The following FUT4 variants were observed in gnomAD, a reference collection of about 807,000 sequenced individuals.
FUT4 encodes the protein alpha-(1,3)-fucosyltransferase 4.
In FUT4, 1 loss-of-function variant was observed where a neutral mutation model predicts 3.8. The observed-to-expected ratio is 0.26, with a 90% confidence interval of 0.09 to 1.25. FUT4 has a LOEUF of 1.25. FUT4 is among the 50% of genes most tolerant of loss of function. The pLI is 0.47. For synonymous variants in FUT4, 417 were observed against 355.3 expected (o/e 1.17, Z -1.95); for missense variants, 880 against 768.2 (o/e 1.15, Z -1.72).
Position 94,545,477 on chromosome 11 carries a change from G to A in FUT4, c.1344G>A (p.Glu448=). Residue 448 remains glutamate, a synonymous_variant, in exon 1 of 1, where the codon GAG becomes GAA. Transcript: ENST00000358752. The part of the protein sequence containing the change: ...VVLGPDRANY[E]RFVPRGAFIH... ...TGGGCCCAGACCGTGCCAACTACGA[G>A]CGCTTTGTGCCCCGCGGCGCCTTCA... is the stretch of plus-strand genomic sequence containing the variant. 2 of 1,613,590 alleles carry A rather than the reference G, an allele frequency of 1.2e-6. No homozygotes were observed. The highest frequency in any genetic ancestry group is 1.1e-5 in the South Asian group (1 of 91,062).
chr11:94,544,084 G>A lies in FUT4; in HGVS notation c.-50G>A. 1.5e-6 allele frequency: 2 copies of A among 1,362,158 alleles called. No individual in the cohort carries two copies. Among genetic ancestry groups the A allele is most frequent in the Non-Finnish European group, 1.9e-6 (2 of 1,056,834 alleles). 84.4% of individuals were successfully genotyped at this position (1,362,158 alleles called of 1,614,324 possible). Reference sequence around the variant, plus strand: ...CAGTGAGCGAGGGCCAGGGCGGTGGGCGCGCGCAGAGGGAAACCGGATCAG... The same window carrying A: ...CAGTGAGCGAGGGCCAGGGCGGTGGACGCGCGCAGAGGGAAACCGGATCAG... On this transcript the variant is annotated 5_prime_UTR_variant, in exon 1 of 1. Transcript: ENST00000358752.
rs1947860333 is a variant in FUT4 at position 94,546,190 on chromosome 11, G to A, written c.*464G>A. 1 of 340,430 alleles carries A rather than the reference G, an allele frequency of 2.9e-6. No homozygotes were observed. The highest frequency in any genetic ancestry group is 2.6e-5 in the South Asian group (1 of 38,648). 21.1% of individuals were successfully genotyped at this position (340,430 alleles called of 1,614,324 possible). On this transcript the variant is annotated 3_prime_UTR_variant, in exon 1 of 1. Coordinates refer to ENST00000358752, the MANE Select transcript of FUT4 (RefSeq NM_002033.4). Reference sequence around the variant, plus strand: ...GGTTGTAGAAGGAGCCTTGTTGGTGGAGAGTGGAAGGACTGTGGCTGCAGG... The same window carrying A: ...GGTTGTAGAAGGAGCCTTGTTGGTGAAGAGTGGAAGGACTGTGGCTGCAGG...
rs1408806813 is a variant in FUT4, at chr11:94,549,501, C to T, written c.*3775C>T. The T allele has an allele frequency of 1.2e-5, 2 of 167,090 alleles. No individual in the cohort carries two copies. The highest frequency in any genetic ancestry group is 6.5e-5 in the Admixed American group (1 of 15,292). 10.4% of individuals were successfully genotyped at this position (167,090 alleles called of 1,614,324 possible). On this transcript the variant is annotated 3_prime_UTR_variant, in exon 1 of 1. Coordinates refer to ENST00000358752, the MANE Select transcript of FUT4 (RefSeq NM_002033.4). ...GGGACCTCCTAGTTCCACGTGCTAT[C>T]ATTCTACTAACTGGCACCCTAAGGT...
chr11:94,544,538 G>T lies in FUT4; in HGVS notation c.405G>T (p.Ala135=). 3.1e-6 allele frequency: 4 copies of T among 1,290,810 alleles called. No individual in the cohort carries two copies. The South Asian group carries it at 1.1e-4, about 37-fold the overall frequency. 80.0% of individuals were successfully genotyped at this position (1,290,810 alleles called of 1,614,324 possible). ...GGGCACCGTGGGGCTCGCCGACGGC[G>T]GCGGCGGGCGGGCGGCGCGGGTGGC... ...AMGAPWGSPT[A]AAGGRRGWRR... The change falls in exon 1 of 1, where the codon GCG becomes GCT. Residue 135 remains alanine (A), a synonymous_variant. Transcript: ENST00000358752.
rs767838790 is a variant in FUT4, at chr11:94,545,109, G to T, written c.976G>T (p.Val326Phe). The T allele has an allele frequency of 3.1e-6, 5 of 1,612,478 alleles. No individual in the cohort carries two copies. In the African/African-American group the frequency reaches 6.7e-5, roughly 22 times the overall value. ...WTLSYRADSDVFVPYGYLYPR... is the reference protein window; with the variant it reads ...WTLSYRADSDFFVPYGYLYPR... ...GCTCTCCTACCGGGCGGACTCGGAC[G>T]TCTTTGTGCCTTATGGCTACCTCTA... is the stretch of plus-strand genomic sequence containing the variant. Residue 326 changes from valine to phenylalanine, a missense_variant, in exon 1 of 1, where the codon GTC (valine) becomes TTC (phenylalanine). By Grantham distance (50) the Val-to-Phe change is conservative. Around this residue, in one of 3 missense-constraint regions of FUT4, gnomAD observed 424 missense variants for 400.4 expected, o/e 1.06. Coordinates refer to ENST00000358752, the MANE Select transcript of FUT4 (RefSeq NM_002033.4).
Position 94,544,346 on chromosome 11 carries a change from G to C in FUT4, c.213G>C (p.Gly71=), listed in dbSNP as rs780907981. The C allele has an allele frequency of 6.5e-7, 1 of 1,550,144 alleles. No individual in the cohort carries two copies. The highest frequency in any genetic ancestry group is 2.5e-5 in the East Asian group (1 of 39,946). ...CCGCCCGGCACTTGGGAGGAGCAGG[G>C]CAGGGCCCGCGGCCTTTGCATTCTG... ...ARPARHLGGA[G]QGPRPLHSGT... Residue 71 remains glycine, a synonymous_variant, in exon 1 of 1, where the codon GGG becomes GGC. Transcript: ENST00000358752.
chr11:94,548,698 T>C lies in FUT4; in HGVS notation c.*2972T>C, dbSNP rs186406603. The C allele has an allele frequency of 4.2e-5, 7 of 167,204 alleles. No homozygotes were observed. Among genetic ancestry groups the C allele is most frequent in the African/African-American group, 1.7e-4 (7 of 41,578 alleles). The allele number at this position is 167,204 out of a possible 1,614,324, so 10.4% of individuals were successfully genotyped here. On this transcript the variant is annotated 3_prime_UTR_variant, in exon 1 of 1. Transcript: ENST00000358752. ...ATACCTTAAGAAAAATGCATATCGG[T>C]GCACTGTATGTATTTCAAAATGCCT...
At position 94,544,381 on chromosome 11, in the gene FUT4, C is replaced by T. The variant is rs747456563; in HGVS notation, c.248C>T (p.Pro83Leu). The T allele has an allele frequency of 5.8e-6, 9 of 1,541,548 alleles. No homozygotes were observed. The highest frequency in any genetic ancestry group is 4.2e-5 in the African/African-American group (3 of 71,044). Residue 83 changes from proline (P) to leucine (L), a missense_variant, in exon 1 of 1, where the codon CCC becomes CTC. Coordinates refer to ENST00000358752, the MANE Select transcript of FUT4 (RefSeq NM_002033.4). ...GPRPLHSGTA[P>L]FHSRASGERQ... is the part of the protein sequence containing the mutation. The stretch of plus-strand genomic sequence containing the variant: ...CGGCCTTTGCATTCTGGGACCGCCC[C>T]CTTCCATTCCCGGGCCAGCGGCGAG...
chr11:94,545,913 T>C lies in FUT4; in HGVS notation c.*187T>C. 2 of 786,644 alleles carry C rather than the reference T, an allele frequency of 2.5e-6. No homozygotes were observed. Among genetic ancestry groups the C allele is most frequent in the Non-Finnish European group, 2.2e-6 (1 of 451,490 alleles). 48.7% of individuals were successfully genotyped at this position (786,644 alleles called of 1,614,324 possible). On this transcript the variant is annotated 3_prime_UTR_variant, in exon 1 of 1. Transcript: ENST00000358752. ...CAGAGATGGGGGCCCGGTTTCCATA[T>C]TTTTTGCACAGCTAGCAATTGGGCT...
chr11:94,545,886 C>A lies in FUT4; in HGVS notation c.*160C>A. ...CGATTTACCAATTAATATTACTCAG[C>A]ACAGAGATGGGGGCCCGGTTTCCAT... On this transcript the variant is annotated 3_prime_UTR_variant, in exon 1 of 1. Coordinates refer to ENST00000358752, the MANE Select transcript of FUT4 (RefSeq NM_002033.4). 1 of 930,236 alleles carries A rather than the reference C, an allele frequency of 1.1e-6. No homozygotes were observed. Among genetic ancestry groups the A allele is most frequent in the Non-Finnish European group, 1.7e-6 (1 of 580,904 alleles). The allele number at this position is 930,236 out of a possible 1,614,324, so 57.6% of individuals were successfully genotyped here. A position where few individuals can be genotyped will look rare whatever the true frequency, so the allele number is the denominator to read the frequency against.
In FUT4 at chr11:94,544,994, C is replaced by T. The variant is rs1947843671; in HGVS notation, c.861C>T (p.Pro287=). 6.2e-7 allele frequency: 1 copy of T among 1,607,616 alleles called. No homozygotes were observed. Among genetic ancestry groups the T allele is most frequent in the South Asian group, 1.1e-5 (1 of 90,666 alleles). ...CCCTGGCGACCTCCAGCCCCAGGCCCCCGGGCCAGCGCTGGGTTTGGATGA... is the reference window on the plus strand; with the variant it reads ...CCCTGGCGACCTCCAGCCCCAGGCCTCCGGGCCAGCGCTGGGTTTGGATGA... ...AEALATSSPR[P]PGQRWVWMNF... is the part of the protein sequence containing the mutation. The change falls in exon 1 of 1, where the codon CCC becomes CCT. Residue 287 remains proline, a synonymous_variant. Coordinates refer to ENST00000358752, the MANE Select transcript of FUT4 (RefSeq NM_002033.4).
In FUT4 at chr11:94,547,297, A is replaced by C. The variant is rs1947874308; in HGVS notation, c.*1571A>C. 1 of 166,976 alleles carries C rather than the reference A, an allele frequency of 6.0e-6. No individual in the cohort carries two copies. Among genetic ancestry groups the C allele is most frequent in the African/African-American group, 2.4e-5 (1 of 41,470 alleles). The allele number at this position is 166,976 out of a possible 1,614,324, so 10.3% of individuals were successfully genotyped here. ...TGTGACAGTCTTAATGATACCATAA[A>C]TCAATATTAGAAAGCTAGTTGACTT... On this transcript the variant is annotated 3_prime_UTR_variant, in exon 1 of 1. Coordinates refer to ENST00000358752, the MANE Select transcript of FUT4 (RefSeq NM_002033.4).
rs755769120 is a variant in FUT4, at chr11:94,547,650, C to T, written c.*1924C>T. ...ATTACAATTACAAAGTGCCAGCCAC[C>T]GAATAAAGATAAAAGTTCAGTTCTT... On this transcript the variant is annotated 3_prime_UTR_variant, in exon 1 of 1. Transcript: ENST00000358752. 1.2e-5 allele frequency: 2 copies of T among 166,862 alleles called. No homozygotes were observed. The highest frequency in any genetic ancestry group is 2.4e-5 in the African/African-American group (1 of 41,384). The allele number at this position is 166,862 out of a possible 1,614,324, so 10.3% of individuals were successfully genotyped here.
In FUT4 at chr11:94,544,732, G is replaced by A. The variant is rs1216783385; in HGVS notation, c.599G>A (p.Gly200Glu). The A allele has an allele frequency of 6.4e-7, 1 of 1,559,910 alleles. No homozygotes were observed. Among genetic ancestry groups the A allele is most frequent in the Non-Finnish European group, 8.6e-7 (1 of 1,162,758 alleles). The part of the protein sequence containing the change: ...GVLLWWEPFG[G>E]RDSAPRPPPD... ...CTGCTGTGGTGGGAGCCCTTCGGGG[G>A]GCGCGATAGCGCCCCGAGGCCGCCC... The change falls in exon 1 of 1, where the codon GGG becomes GAG. Residue 200 changes from glycine (G) to glutamate (E), a missense_variant. Physicochemically the swap from Gly to Glu is moderately conservative, Grantham distance 98. Around this residue, in one of 3 missense-constraint regions of FUT4, gnomAD observed 447 missense variants for 339.5 expected, o/e 1.32. Transcript: ENST00000358752.
Position 94,544,288 on chromosome 11 carries a change from C to T in FUT4, c.155C>T (p.Ser52Phe). ...GGACGGGCGGTGCCCGGTTGGGCGTCCTGGCCAGCTCACCTTGCCCTGGCG... is the reference window on the plus strand; with the variant it reads ...GGACGGGCGGTGCCCGGTTGGGCGTTCTGGCCAGCTCACCTTGCCCTGGCG... ...RKGRAVPGWA[S>F]WPAHLALAAR... Residue 52 changes from serine (S) to phenylalanine (F), a missense_variant, in exon 1 of 1, where the codon TCC becomes TTC. By Grantham distance (155) the Ser-to-Phe change is radical. Transcript: ENST00000358752. 3 of 1,558,566 alleles carry T rather than the reference C, an allele frequency of 1.9e-6. No homozygotes were observed. The highest frequency in any genetic ancestry group is 1.4e-5 in the African/African-American group (1 of 70,376).
At position 94,544,408 on chromosome 11, in the gene FUT4, G is replaced by A. The variant is rs1402919569; in HGVS notation, c.275G>A (p.Arg92Gln). 6.5e-7 allele frequency: 1 copy of A among 1,529,032 alleles called. No individual in the cohort carries two copies. The highest frequency in any genetic ancestry group is 1.4e-5 in the African/African-American group (1 of 70,518). 94.7% of individuals were successfully genotyped at this position (1,529,032 alleles called of 1,614,324 possible). A position where few individuals can be genotyped will look rare whatever the true frequency, so the allele number is the denominator to read the frequency against. Reference sequence around the variant, plus strand: ...TTCCATTCCCGGGCCAGCGGCGAGCGGCAGCGACGGCTGGAGCCGCAGCTA... The same window carrying A: ...TTCCATTCCCGGGCCAGCGGCGAGCAGCAGCGACGGCTGGAGCCGCAGCTA... ...APFHSRASGE[R>Q]QRRLEPQLQH... The change falls in exon 1 of 1, where the codon CGG becomes CAG. Residue 92 changes from arginine to glutamine, a missense_variant. By Grantham distance (43) the Arg-to-Gln change is conservative. This residue lies in a region of FUT4 where 447 missense variants were observed against 339.5 expected (regional missense o/e 1.32). Transcript: ENST00000358752.
In FUT4 at chr11:94,549,594, T is replaced by G. The variant is rs934884864; in HGVS notation, c.*3868T>G. 4.8e-5 allele frequency: 8 copies of G among 167,062 alleles called. No individual in the cohort carries two copies. The highest frequency in any genetic ancestry group is 1.9e-4 in the African/African-American group (8 of 41,444). The allele number at this position is 167,062 out of a possible 1,614,324, so 10.3% of individuals were successfully genotyped here. A position where few individuals can be genotyped will look rare whatever the true frequency, so the allele number is the denominator to read the frequency against. On this transcript the variant is annotated 3_prime_UTR_variant, in exon 1 of 1. Transcript: ENST00000358752. Reference sequence around the variant, plus strand: ...TGGAACTGACAATATGCAGGAGCAGTAAACTGGCAGAAAACCAGGAATCAG... The same window carrying G: ...TGGAACTGACAATATGCAGGAGCAGGAAACTGGCAGAAAACCAGGAATCAG...
In FUT4 at chr11:94,545,181, C is replaced by A; in HGVS notation, c.1048C>A (p.Leu350Met). 6.2e-7 allele frequency: 1 copy of A among 1,611,388 alleles called. No homozygotes were observed. ...GDPPSGLAPPLSRKQGLVAWV... is the reference protein window; with the variant it reads ...GDPPSGLAPPMSRKQGLVAWV... ...CCCGCCCTCAGGCCTGGCCCCGCCA[C>A]TGTCCAGGAAACAGGGGCTGGTGGC... Residue 350 changes from leucine (L) to methionine (M), a missense_variant, in exon 1 of 1, where the codon CTG becomes ATG. Physicochemically the swap from Leu to Met is conservative, Grantham distance 15. Coordinates refer to ENST00000358752, the MANE Select transcript of FUT4 (RefSeq NM_002033.4).
chr11:94,547,797 G>T lies in FUT4; in HGVS notation c.*2071G>T, dbSNP rs1303168968. The T allele has an allele frequency of 6.0e-6, 1 of 167,068 alleles. No homozygotes were observed. The highest frequency in any genetic ancestry group is 1.5e-5 in the Non-Finnish European group (1 of 68,122). 10.3% of individuals were successfully genotyped at this position (167,068 alleles called of 1,614,324 possible). A position where few individuals can be genotyped will look rare whatever the true frequency, so the allele number is the denominator to read the frequency against. On this transcript the variant is annotated 3_prime_UTR_variant, in exon 1 of 1. Coordinates refer to ENST00000358752, the MANE Select transcript of FUT4 (RefSeq NM_002033.4). ...GTTTAGATTTGAATTCCAGCTATGT[G>T]ACATTGGGTAAATTAGTAGTAGTCC...
Sources: allele counts gnomAD v4.1 joint callset, GRCh38; gene constraint gnomAD v4.1.1; regional missense constraint gnomAD v4.1.1; transcripts MANE v1.5; gene names NCBI Gene and HGNC (gene_info 2026-07-23, HGNC 2026-07-21).